TTLL10: variants seen among roughly 807,000 people sequenced by gnomAD.
TTLL10 encodes the protein inactive polyglycylase TTLL10.
TTLL10 carries 61 observed loss-of-function variants against 69.0 expected under a neutral mutation model. The ratio of observed to expected loss-of-function variants is 0.88; its 90% CI spans 0.72 to 1.09. TTLL10 has a LOEUF of 1.09. Ranked by LOEUF, TTLL10 falls within the 50% of genes least tolerant of loss-of-function variation. The pLI is 0.00. For missense variants in TTLL10, 962 were observed against 945.9 expected, an observed-to-expected ratio of 1.02 and a Z score of -0.22; for synonymous variants, 408 against 393.3, an observed-to-expected ratio of 1.04 and a Z score of -0.44.
intron 10 of TTLL10, among the ~76,000 whole-genome samples, 198 bp downstream of exon 10, chr1:1,182,644 C>T (rs530676548): frequency 6.6e-6 from 1 of 151,848 alleles, no homozygotes; most frequent in African/African-American, 2.4e-5. Context: ...AGGGTCTGGC[C>T]TTCGTGGAGG....
chr1:1,180,209 G>A lies in TTLL10; in HGVS notation c.375G>A (p.Ser125=), dbSNP rs199876262. The A allele has an allele frequency of 9.9e-6, 16 of 1,610,956 alleles. No individual in the cohort carries two copies. Among genetic ancestry groups the A allele is most frequent in the African/African-American group, 2.7e-5 (2 of 75,000 alleles). The change falls in exon 6 of 16, where the codon TCG becomes TCA. Residue 125 remains serine, a synonymous_variant. Coordinates refer to ENST00000379289, the MANE Select transcript of TTLL10 (RefSeq NM_001130045.2). ...TGAACAGCCACCGGCCTGCAGACTC[G>A]GATGACACTAACGCCGCCGGGCCCT... The part of the protein sequence containing the change: ...GLLNSHRPAD[S]DDTNAAGPSA...
Position 1,197,641 on chromosome 1 carries a change from C to T in TTLL10, c.1816C>T (p.Gln606Ter), listed in dbSNP as rs746155672. 1.3e-5 allele frequency: 19 copies of T among 1,503,524 alleles called. No homozygotes were observed. In the South Asian group the frequency reaches 2.2e-4, roughly 18 times the overall value. 93.1% of individuals were successfully genotyped at this position (1,503,524 alleles called of 1,614,324 possible). A position where few individuals can be genotyped will look rare whatever the true frequency, so the allele number is the denominator to read the frequency against. ...SGPPMPHAPDQPGARRPAPPP... is the reference protein window; with the variant it reads ...SGPPMPHAPD ...GCCACCCATGCCGCATGCCCCAGACCAGCCGGGCGCCCGCAGGCCTGCGCC... is the reference window on the plus strand; with the variant it reads ...GCCACCCATGCCGCATGCCCCAGACTAGCCGGGCGCCCGCAGGCCTGCGCC... The change falls in exon 16 of 16, where the codon CAG (glutamine) becomes TAG (stop). Residue 606 changes from glutamine (Q) to a stop codon, truncating the protein, a stop_gained. Coordinates refer to ENST00000379289, the MANE Select transcript of TTLL10 (RefSeq NM_001130045.2). LOFTEE classifies it high-confidence loss of function.
Position 1,180,843 on chromosome 1 carries a change from G to C in TTLL10, c.738G>C (p.Pro246=), listed in dbSNP as rs750368929. Residue 246 remains proline (P), a synonymous_variant, in exon 8 of 16, where the codon CCG becomes CCC. Transcript: ENST00000379289. Reference sequence around the variant, plus strand: ...CCATGAGCAAGGCCAGCAAGGTGCCGGGGGGGGTCCAGGCCAGGTGAGTCT... The same window carrying C: ...CCATGAGCAAGGCCAGCAAGGTGCCCGGGGGGGTCCAGGCCAGGTGAGTCT... ...ARAMSKASKV[P]GGVQARLEKD... is the part of the protein sequence containing the mutation. The C allele has an allele frequency of 1.3e-6, 2 of 1,564,348 alleles. No individual in the cohort carries two copies. Among genetic ancestry groups the C allele is most frequent in the East Asian group, 2.4e-5 (1 of 41,510 alleles).
chr1:1,177,397 C>T (rs1357739866), intron 3 of TTLL10, among the ~76,000 whole-genome samples: 1 of 152,134 alleles, frequency 6.6e-6, no homozygotes, highest in Non-Finnish European at 1.5e-5. Flanking sequence ...CTGCAAGCTC[C>T]ACCTCCCAGG....
intron 13 of TTLL10, among the ~76,000 whole-genome samples, chr1:1,194,889 T>C (rs901388485): frequency 6.6e-6 from 1 of 152,218 alleles, no homozygotes; most frequent in Non-Finnish European, 1.5e-5. Flanking sequence ...TTCTGCTCCT[T>C]TCTCTTCTCT....
In TTLL10 at chr1:1,179,276, G is replaced by A. The variant is rs367795669; in HGVS notation, c.61G>A (p.Gly21Ser). 78 of 1,550,992 alleles carry A rather than the reference G, an allele frequency of 5.0e-5. No homozygotes were observed. Among genetic ancestry groups the A allele is most frequent in the Middle Eastern group, 3.3e-4 (2 of 5,988 alleles). The change falls in exon 4 of 16, where the codon GGC becomes AGC. Residue 21 changes from glycine (G) to serine (S), a missense_variant. Physicochemically the swap from Gly to Ser is moderately conservative, Grantham distance 56. Coordinates refer to ENST00000379289, the MANE Select transcript of TTLL10 (RefSeq NM_001130045.2). ...RRGPPTRTRA[G>S]FKRGKRPRIQ... ...GGGACCACCCACTCGGACCCGAGCCGGCTTCAAGAGGGGCAAGAGGCCAAG... is the reference window on the plus strand; with the variant it reads ...GGGACCACCCACTCGGACCCGAGCCAGCTTCAAGAGGGGCAAGAGGCCAAG...
intron 13 of TTLL10, among the ~76,000 whole-genome samples, chr1:1,186,057 G>A (rs1647291889): frequency 6.6e-6 from 1 of 151,786 alleles, no homozygotes; most frequent in Non-Finnish European, 1.5e-5. Flanking sequence ...GTGTTTTCAG[G>A]GTTCATCCAC....
Position 1,185,041 on chromosome 1 carries a change from C to T in TTLL10, c.1333C>T (p.Arg445Cys), listed in dbSNP as rs146121068. ...GGTGTGGAGCATGGAACACCTCAAC[C>T]GCTACATCAGTGACACGTTCTGGAA... is the stretch of plus-strand genomic sequence containing the variant. ...HTVWSMEHLN[R>C]YISDTFWKAR... The change falls in exon 13 of 16, where the codon CGC becomes TGC. Residue 445 changes from arginine (R) to cysteine (C), a missense_variant. Coordinates refer to ENST00000379289, the MANE Select transcript of TTLL10 (RefSeq NM_001130045.2). The surrounding 1 kb of genome is among the most constrained non-coding windows in gnomAD (Gnocchi z 6.1). 1,913 of 1,614,026 alleles carry T rather than the reference C, an allele frequency of 1.2e-3. 20 individuals are homozygous for T. In the South Asian group the frequency reaches 0.012, roughly 10 times the overall value.
intron 13 of TTLL10, among the ~76,000 whole-genome samples, chr1:1,188,779 T>C (rs1293579096): frequency 1.3e-5 from 2 of 152,208 alleles, no homozygotes; most frequent in Non-Finnish European, 2.9e-5. Flanking sequence ...TATTTAGTCT[T>C]CCGATCCATG....
chr1:1,189,265 T>C lies in TTLL10; in HGVS notation c.1401+4156T>C, dbSNP rs148927691. On this transcript the variant is annotated intron_variant, in intron 13 of 15. Coordinates refer to ENST00000379289, the MANE Select transcript of TTLL10 (RefSeq NM_001130045.2). ...GTTTCTCATAAATGCCCTCGTCAGG[T>C]TGAGGAAGTTCCCTTCTGTTCCTAA... 3.2e-3 allele frequency among the ~76,000 whole-genome samples: 493 copies of C among 152,366 alleles called. 2 individuals are homozygous for C. The highest frequency in any genetic ancestry group is 0.017 in the Middle Eastern group (5 of 294).
rs1312705836 is a variant in TTLL10, at chr1:1,197,635, C to A, written c.1810C>A (p.Pro604Thr). The A allele has an allele frequency of 6.6e-7, 1 of 1,506,382 alleles. No individual in the cohort carries two copies. Among genetic ancestry groups the A allele is most frequent in the Admixed American group, 2.1e-5 (1 of 47,064 alleles). 93.3% of individuals were successfully genotyped at this position (1,506,382 alleles called of 1,614,324 possible). A position where few individuals can be genotyped will look rare whatever the true frequency, so the allele number is the denominator to read the frequency against. ...CTCCGGGCCACCCATGCCGCATGCC[C>A]CAGACCAGCCGGGCGCCCGCAGGCC... ...KSSGPPMPHAPDQPGARRPAP... is the reference protein window; with the variant it reads ...KSSGPPMPHATDQPGARRPAP... The change falls in exon 16 of 16, where the codon CCA (proline) becomes ACA (threonine). Residue 604 changes from proline to threonine, a missense_variant. Physicochemically the swap from Pro to Thr is conservative, Grantham distance 38. Coordinates refer to ENST00000379289, the MANE Select transcript of TTLL10 (RefSeq NM_001130045.2).
chr1:1,183,145 G>C (rs1647132411), intron 11 of TTLL10, 98 bp downstream of exon 11: 1 of 1,405,528 alleles, frequency 7.1e-7, no homozygotes, highest in Non-Finnish European at 9.4e-7. Flanking sequence ...CTTGGTCGTG[G>C]AAAGCAGCCG....
At chr1:1,179,552 G>A (rs1646977421) in intron 4 of TTLL10, 105 bp from the exon 5 acceptor site, 3 of 1,512,580 alleles carry the variant, frequency 2.0e-6, no homozygotes, top group Non-Finnish European at 1.8e-6. Flanking sequence ...GGTTCCGCCT[G>A]GCTGGCACCA....
chr1:1,187,134 C>A (rs182025523), intron 13 of TTLL10, among the ~76,000 whole-genome samples: 9 of 152,192 alleles, frequency 5.9e-5, no homozygotes, highest in African/African-American at 2.2e-4. Context: ...GTGTGAGCCA[C>A]CGCGCCCGGC....
At chr1:1,190,784 G>A (rs565389201) in intron 13 of TTLL10, among the ~76,000 whole-genome samples, 9 of 152,002 alleles carry the variant, frequency 5.9e-5, no homozygotes, top group Non-Finnish European at 7.4e-5. Context: ...AAGATTTTGC[G>A]TGTTGTCTTC....
chr1:1,180,625 C>A, intron 7 of TTLL10, 24 bp downstream of exon 7: 1 of 1,552,042 alleles, frequency 6.4e-7, no homozygotes, highest in Non-Finnish European at 8.7e-7. Flanking sequence ...GCACCAGAGG[C>A]GGGCAGCCTG....
rs764682327 is a variant in TTLL10 at position 1,183,957 on chromosome 1, T to C, written c.1126T>C (p.Phe376Leu). 1.7e-5 allele frequency: 28 copies of C among 1,614,000 alleles called. No individual in the cohort carries two copies. The highest frequency in any genetic ancestry group is 1.6e-4 in the Middle Eastern group (1 of 6,082). ...QNPLLVDGRK[F>L]DVRSYLLIAC... The stretch of plus-strand genomic sequence containing the variant: ...CCCGCTGCTGGTGGACGGGAGAAAG[T>C]TTGACGTGCGCTCCTACCTGCTCAT... Residue 376 changes from phenylalanine (F) to leucine (L), a missense_variant, in exon 12 of 16, where the codon TTT becomes CTT. Physicochemically the swap from Phe to Leu is conservative, Grantham distance 22. Transcript: ENST00000379289.
At position 1,197,550 on chromosome 1, in the gene TTLL10, C is replaced by A. The variant is rs1467646947; in HGVS notation, c.1725C>A (p.His575Gln). Residue 575 changes from histidine (H) to glutamine (Q), a missense_variant, in exon 16 of 16, where the codon CAC becomes CAA. Coordinates refer to ENST00000379289, the MANE Select transcript of TTLL10 (RefSeq NM_001130045.2). ...ACGGTGAGGCCGACCCGCGGCCGCA[C>A]CTGGGGGGCTCGTGCAGCCTCCGCC... Reference protein sequence around the residue: ...LHNGEADPRPHLGGSCSLRRW... With the variant: ...LHNGEADPRPQLGGSCSLRRW... 3.3e-6 allele frequency: 5 copies of A among 1,522,228 alleles called. No homozygotes were observed. The highest frequency in any genetic ancestry group is 4.4e-6 in the Non-Finnish European group (5 of 1,139,330). 94.3% of individuals were successfully genotyped at this position (1,522,228 alleles called of 1,614,324 possible).
chr1:1,183,935 G>T lies in TTLL10; in HGVS notation c.1104G>T (p.Pro368=). Residue 368 remains proline, a synonymous_variant, in exon 12 of 16, where the codon CCG becomes CCT. Coordinates refer to ENST00000379289, the MANE Select transcript of TTLL10 (RefSeq NM_001130045.2). ...GTGCCCCCAGGTACATCCAGAACCC[G>T]CTGCTGGTGGACGGGAGAAAGTTTG... The part of the protein sequence containing the change: ...ARVVQRYIQN[P]LLVDGRKFDV... 6.2e-7 allele frequency: 1 copy of T among 1,614,196 alleles called. No individual in the cohort carries two copies. The highest frequency in any genetic ancestry group is 8.5e-7 in the Non-Finnish European group (1 of 1,180,018).
Sources: allele counts gnomAD v4.1 joint callset (sites outside exome capture counted in the v4.1 genomes callset), GRCh38; gene constraint gnomAD v4.1.1; non-coding constraint Gnocchi (gnomAD v3.1); transcripts MANE v1.5; gene names NCBI Gene and HGNC (gene_info 2026-07-23, HGNC 2026-07-21).